The following RANBP2 variants were observed in gnomAD, a reference collection of about 807,000 sequenced individuals.
RANBP2 encodes the protein E3 SUMO-protein ligase RanBP2.
In RANBP2, 57 loss-of-function variants were observed where a neutral mutation model predicts 303.6. The observed-to-expected ratio is 0.19, with a 90% CI of 0.15 to 0.23. The LOEUF (loss-of-function observed/expected upper bound fraction) is 0.23. RANBP2 is among the 10% of genes least tolerant of loss of function. The pLI, the probability that RANBP2 is intolerant of heterozygous loss-of-function variation, is 1.00. For missense variants in RANBP2, 3,138 were observed against 3,780.8 expected (o/e 0.83, Z 4.46); for synonymous variants, 1,167 against 1,301.5 (o/e 0.90, Z 2.23).
chr2:109,663,456 A>C, the RANBP2 span, among the ~76,000 whole-genome samples: 5 of 152,192 alleles, frequency 3.3e-5, no homozygotes, highest in African/African-American at 1.2e-4. Context: ...AGATCAATAA[A>C]ACAGATAAAA....
chr2:109,253,776 T>C, the RANBP2 span, among the ~76,000 whole-genome samples: 640 of 152,326 alleles, frequency 4.2e-3, 5 homozygotes, highest in South Asian at 8.1e-3. Flanking sequence ...TTGATTTAGA[T>C]GCAAAGATTG....
At chr2:109,192,081 C>T in the RANBP2 span, among the ~76,000 whole-genome samples, 3 of 152,106 alleles carry the variant, frequency 2.0e-5, no homozygotes, top group Non-Finnish European at 2.9e-5. Context: ...CTTTGCAAAC[C>T]GAGCGACAGA....
At chr2:109,326,541 G>T in the RANBP2 span, among the ~76,000 whole-genome samples, 1 of 152,172 alleles carries the variant, frequency 6.6e-6, no homozygotes, top group Non-Finnish European at 1.5e-5. Context: ...TGCCAATCTG[G>T]TGGGTGTGAA....
chr2:109,156,283 A>C, the RANBP2 span, among the ~76,000 whole-genome samples: 8 of 152,288 alleles, frequency 5.3e-5, no homozygotes, highest in East Asian at 1.5e-3. Flanking sequence ...TCGAGTTGCT[A>C]TCTCATCTTC....
the RANBP2 span, among the ~76,000 whole-genome samples, chr2:108,908,496 G>A: frequency 2.0e-5 from 3 of 152,178 alleles, no homozygotes; most frequent in Non-Finnish European, 2.9e-5. Flanking sequence ...GCTGAATGGA[G>A]CCTTGTGCCT....
chr2:108,721,051 CAA>C (rs1694200892), intron 1 of RANBP2, among the ~76,000 whole-genome samples: 1 of 150,978 alleles, frequency 6.6e-6, no homozygotes, highest in African/African-American at 2.5e-5. Context: ...TCCAAAAAAA[CAA>C]AAACAAAAAC....
At chr2:109,493,438 CAT>C in the RANBP2 span, among the ~76,000 whole-genome samples, 34 of 151,758 alleles carry the variant, frequency 2.2e-4, no homozygotes, top group East Asian at 3.1e-3. Flanking sequence ...AGACTACACA[CAT>C]GTGCAAACAC....
intron 6 of RANBP2, among the ~76,000 whole-genome samples, chr2:108,739,735 C>G (rs181336127): frequency 6.6e-6 from 1 of 152,260 alleles, no homozygotes; most frequent in African/African-American, 2.4e-5. Flanking sequence ...CCTGTAATCC[C>G]AGCACATTGG....
At chr2:109,218,405 CTT>C in the RANBP2 span, among the ~76,000 whole-genome samples, 7 of 152,136 alleles carry the variant, frequency 4.6e-5, no homozygotes, top group South Asian at 1.5e-3. Context: ...TAGAAACAGT[CTT>C]TGAGTGAAAA....
chr2:109,606,510 T>C, the RANBP2 span, among the ~76,000 whole-genome samples: 1 of 152,172 alleles, frequency 6.6e-6, no homozygotes, highest in Non-Finnish European at 1.5e-5. Flanking sequence ...ATTACCATAG[T>C]GGACATAGTT....
chr2:109,677,910 G>T, the RANBP2 span, among the ~76,000 whole-genome samples: 2 of 152,212 alleles, frequency 1.3e-5, no homozygotes, highest in Non-Finnish European at 2.9e-5. Flanking sequence ...TGTATCCCCG[G>T]TTCCTGGTAA....
chr2:109,366,436 T>A, the RANBP2 span, among the ~76,000 whole-genome samples: 1 of 152,130 alleles, frequency 6.6e-6, no homozygotes, highest in African/African-American at 2.4e-5. Context: ...GTGTGGTGAG[T>A]TCACTACCAT....
chr2:108,757,076 A>G (rs1294949379), intron 17 of RANBP2, among the ~76,000 whole-genome samples: 1 of 152,248 alleles, frequency 6.6e-6, no homozygotes, highest in Non-Finnish European at 1.5e-5. Flanking sequence ...GAAAGCAGAC[A>G]TGCTAGATCT....
the RANBP2 span, among the ~76,000 whole-genome samples, chr2:108,859,430 T>G: frequency 6.6e-6 from 1 of 152,222 alleles, no homozygotes; most frequent in Non-Finnish European, 1.5e-5. Flanking sequence ...ATTTTTATTT[T>G]TATTGCATTT....
At chr2:108,916,818 A>C in the RANBP2 span, among the ~76,000 whole-genome samples, 3 of 152,204 alleles carry the variant, frequency 2.0e-5, no homozygotes, top group African/African-American at 7.2e-5. Flanking sequence ...AGACCCCACA[A>C]GCCCCCTCAC....
At chr2:109,760,524 C>T in the RANBP2 span, among the ~76,000 whole-genome samples, 8 of 136,390 alleles carry the variant, frequency 5.9e-5, no homozygotes, top group Non-Finnish European at 9.5e-5. Flanking sequence ...GTGAGTGCGC[C>T]GGCCGCTGCA....
the RANBP2 span, among the ~76,000 whole-genome samples, chr2:109,413,224 C>G: frequency 6.6e-6 from 1 of 152,202 alleles, no homozygotes; most frequent in African/African-American, 2.4e-5. Context: ...AAACGATTCT[C>G]CTGCCTGAGC....
chr2:108,721,630 A>T (rs1359516469), intron 1 of RANBP2, among the ~76,000 whole-genome samples: 3 of 152,018 alleles, frequency 2.0e-5, no homozygotes, highest in African/African-American at 7.3e-5. Context: ...TATTTTTGGT[A>T]GAGACTGGGT....
the RANBP2 span, among the ~76,000 whole-genome samples, chr2:109,216,070 G>A: frequency 6.6e-6 from 1 of 152,178 alleles, no homozygotes; most frequent in Non-Finnish European, 1.5e-5. Flanking sequence ...CAAGCAGTCA[G>A]TCTGAAGAAC....
Sources: allele counts gnomAD v4.1 joint callset (sites outside exome capture counted in the v4.1 genomes callset), GRCh38; gene constraint gnomAD v4.1.1; transcripts MANE v1.5; gene names NCBI Gene and HGNC (gene_info 2026-07-23, HGNC 2026-07-21).